Variants in PTPRK observed in about 807,000 individuals in gnomAD.
PTPRK encodes the protein receptor-type tyrosine-protein phosphatase kappa.
A neutral mutation model predicts 178.0 loss-of-function variants in PTPRK; 75 were observed. That is an observed-to-expected ratio of 0.42 (90% confidence interval 0.35 to 0.51). The LOEUF is 0.51. Among genes scored for constraint, PTPRK ranks in the 20% least tolerant of loss-of-function variants. The pLI is 0.02. For missense variants in PTPRK, 1,441 were observed against 1,797.8 expected (o/e 0.80, Z 3.59); for synonymous variants, 637 against 620.6 (o/e 1.03, Z -0.39).
chr6:128,272,497 T>C (rs899658796), intron 3 of PTPRK, among the ~76,000 whole-genome samples: 7 of 152,036 alleles, frequency 4.6e-5, no homozygotes, highest in Admixed American at 4.6e-4. Context: ...ACAAAGAACT[T>C]AAACAAATTT....
intron 1 of PTPRK, among the ~76,000 whole-genome samples, chr6:128,468,921 CAA>C (rs375371831): frequency 1.8e-4 from 16 of 90,558 alleles, no homozygotes; most frequent in African/African-American, 2.3e-4. Context: ...AACACCTTTT[CAA>C]AAAAAAAAAA....
At chr6:128,415,638 C>T (rs933930062) in intron 1 of PTPRK, among the ~76,000 whole-genome samples, 6 of 152,152 alleles carry the variant, frequency 3.9e-5, no homozygotes, top group African/African-American at 1.4e-4. Context: ...TGAGCAGCAT[C>T]TGAATCCAAG....
At position 127,998,797 on chromosome 6, in the gene PTPRK, T is replaced by C. The variant is rs375206155; in HGVS notation, c.2602A>G (p.Ile868Val). ...TGCTGCAGTAAATCAGCTACCCTGA[T>C]GGCTGGATGCAGCTGTCCTGTCTGG... ...PYQTGQLHPA[I>V]RVADLLQHIN... is the part of the protein sequence containing the mutation. Residue 868 changes from isoleucine to valine, a missense_variant, in exon 16 of 30, where the codon ATC (isoleucine) becomes GTC (valine). Transcript: ENST00000368226. 3 of 1,611,102 alleles carry C rather than the reference T, an allele frequency of 1.9e-6. No homozygotes were observed. The African/African-American group carries it at 4.0e-5, about 22-fold the overall frequency.
rs553058490 is a variant in PTPRK at position 128,096,266 on chromosome 6, T to C, written c.1163-6274A>G. On this transcript the variant is annotated intron_variant, in intron 7 of 29. Coordinates refer to ENST00000368226, the MANE Select transcript of PTPRK (RefSeq NM_002844.4). ...CTAAAATGAAGAAGTACTTAATAAT[T>C]CTCTAAAGGTTAATAAAAGTAAAGA... is the stretch of plus-strand genomic sequence containing the variant. 1.1e-4 allele frequency among the ~76,000 whole-genome samples: 17 copies of C among 152,280 alleles called. No homozygotes were observed. In the East Asian group the frequency reaches 3.1e-3, roughly 28 times the overall value.
At chr6:128,000,121 G>C in intron 15 of PTPRK, 1 of 979,176 alleles carries the variant, frequency 1.0e-6, no homozygotes, top group Non-Finnish European at 1.2e-6. Context: ...ACTTTGAAAA[G>C]CATTATACCG....
intron 1 of PTPRK, among the ~76,000 whole-genome samples, chr6:128,464,663 A>ATATG (rs1554271967): frequency 2.6e-5 from 3 of 115,440 alleles, no homozygotes; most frequent in Non-Finnish European, 5.3e-5. Flanking sequence ...ATATATATAT[A>ATATG]TATATATATA....
intron 1 of PTPRK, among the ~76,000 whole-genome samples, chr6:128,514,370 ATGTGTGTGTGTG>A (rs146438569): frequency 0.02 from 2,923 of 148,372 alleles, 55 homozygotes; most frequent in African/African-American, 0.05. Flanking sequence ...CATTGTTAAG[ATGTGTGTGTGTG>A]TGTGTGTGTG....
chr6:128,382,708 G>A (rs1838120064), intron 2 of PTPRK, among the ~76,000 whole-genome samples: 1 of 151,972 alleles, frequency 6.6e-6, no homozygotes, highest in Non-Finnish European at 1.5e-5. Flanking sequence ...CCAAAGTGCT[G>A]GAATTACAGG....
At chr6:128,087,337 GT>G (rs1268259386) in intron 8 of PTPRK, among the ~76,000 whole-genome samples, 1 of 151,774 alleles carries the variant, frequency 6.6e-6, no homozygotes, top group Admixed American at 6.6e-5. Flanking sequence ...TTTTTTAAGG[GT>G]AGGCAATAAA....
Position 127,985,874 on chromosome 6 carries a change from C to T in PTPRK, c.3098G>A (p.Arg1033Lys), listed in dbSNP as rs1775917686. ...YVVRTFTLERRGYNEIREVKQ... is the reference protein window; with the variant it reads ...YVVRTFTLERKGYNEIREVKQ... ...AACTTCACGGATTTCATTGTACCCC[C>T]TCTGTGCAAAGATGGAAAGAAATGT... The change falls in exon 22 of 30, where the codon AGG (arginine) becomes AAG (lysine). Residue 1033 changes from arginine to lysine, a missense_variant and splice_region_variant. By Grantham distance (26) the Arg-to-Lys change is conservative. Around this residue, in one of 4 missense-constraint regions of PTPRK, gnomAD observed 945 missense variants for 1,080.6 expected, o/e 0.87. Coordinates refer to ENST00000368226, the MANE Select transcript of PTPRK (RefSeq NM_002844.4). 1 of 1,609,018 alleles carries T rather than the reference C, an allele frequency of 6.2e-7. No individual in the cohort carries two copies. The highest frequency in any genetic ancestry group is 1.7e-5 in the Admixed American group (1 of 59,820).
chr6:128,031,307 A>C (rs1335390266), intron 13 of PTPRK, among the ~76,000 whole-genome samples: 1 of 152,204 alleles, frequency 6.6e-6, no homozygotes, highest in Admixed American at 6.5e-5. Context: ...ATCCGACACC[A>C]AGCTTGGTAC....
At position 128,243,382 on chromosome 6, in the gene PTPRK, G is replaced by C. The variant is rs560092722; in HGVS notation, c.496-780C>G. On this transcript the variant is annotated intron_variant, in intron 3 of 29. Transcript: ENST00000368226. ...TTTAATGTGTGCTGTGGCTGGGTGC[G>C]GTAACTCACACCTATAATCCTAACA... 2.7e-5 allele frequency among the ~76,000 whole-genome samples: 4 copies of C among 150,274 alleles called. No homozygotes were observed. In the East Asian group the frequency reaches 5.9e-4, roughly 22 times the overall value.
intron 3 of PTPRK, among the ~76,000 whole-genome samples, chr6:128,273,137 A>T (rs1167690405): frequency 6.6e-6 from 1 of 152,056 alleles, no homozygotes; most frequent in Non-Finnish European, 1.5e-5. Flanking sequence ...TCTCACTCAT[A>T]GGTAGGAATT....
At chr6:128,004,612 A>G (rs1206912239) in intron 15 of PTPRK, among the ~76,000 whole-genome samples, 2 of 151,744 alleles carry the variant, frequency 1.3e-5, no homozygotes, top group African/African-American at 4.8e-5. Context: ...TAGTATTGCA[A>G]TTTTCCAGGA....
chr6:128,254,836 T>C (rs937026761), intron 3 of PTPRK, among the ~76,000 whole-genome samples: 1 of 152,080 alleles, frequency 6.6e-6, no homozygotes, highest in Non-Finnish European at 1.5e-5. Flanking sequence ...TAAAAATGGG[T>C]TGAAGCAGAG....
At chr6:128,090,296 T>C (rs1357144336) in intron 7 of PTPRK, among the ~76,000 whole-genome samples, 1 of 152,222 alleles carries the variant, frequency 6.6e-6, no homozygotes, top group Non-Finnish European at 1.5e-5. Context: ...CTGTTGTTAC[T>C]GCCCAATTCT....
At chr6:128,061,513 T>C (rs1380595489) in intron 13 of PTPRK, among the ~76,000 whole-genome samples, 1 of 151,658 alleles carries the variant, frequency 6.6e-6, no homozygotes, top group African/African-American at 2.4e-5. Flanking sequence ...AGGTTCTAGC[T>C]CTTCAGTACT....
At position 127,970,070 on chromosome 6, in the gene PTPRK, C is replaced by A; in HGVS notation, c.*157G>T. ...TAATTCAGTCCTTTTTATTAAGATA[C>A]ACAACTTCATAAAAAAAATACTTTT... is the stretch of plus-strand genomic sequence containing the variant. On this transcript the variant is annotated 3_prime_UTR_variant, in exon 30 of 30. Coordinates refer to ENST00000368226, the MANE Select transcript of PTPRK (RefSeq NM_002844.4). 7.7e-6 allele frequency: 4 copies of A among 521,256 alleles called. No homozygotes were observed. Among genetic ancestry groups the A allele is most frequent in the South Asian group, 6.5e-5 (2 of 30,614 alleles). The allele number at this position is 521,256 out of a possible 1,614,324, so 32.3% of individuals were successfully genotyped here.
Position 128,156,881 on chromosome 6 carries a change from G to A in PTPRK, c.1162+27551C>T, listed in dbSNP as rs570239809. On this transcript the variant is annotated intron_variant, in intron 7 of 29. Coordinates refer to ENST00000368226, the MANE Select transcript of PTPRK (RefSeq NM_002844.4). ...AGTATAGCATCATGTTTAAGAACACGATTTGTAAAGTCAGACTGCCTGAGT... is the reference window on the plus strand; with the variant it reads ...AGTATAGCATCATGTTTAAGAACACAATTTGTAAAGTCAGACTGCCTGAGT... Among the ~76,000 whole-genome samples, 75 of 152,022 alleles carry A rather than the reference G, an allele frequency of 4.9e-4. 1 individual carries two copies. Among genetic ancestry groups the A allele is most frequent in the Non-Finnish European group, 1.0e-3 (68 of 67,928 alleles).
Sources: gnomAD v4.1 joint callset for allele counts (sites outside exome capture counted in the v4.1 genomes callset) on GRCh38, gnomAD v4.1.1 for gene constraint, gnomAD v4.1.1 regional missense constraint, MANE v1.5 for transcripts, NCBI Gene and HGNC (gene_info 2026-07-23, HGNC 2026-07-21) for gene names.